CDK17: variants seen among roughly 807,000 people sequenced by gnomAD.
CDK17 encodes the protein cyclin-dependent kinase 17.
A neutral mutation model predicts 77.6 loss-of-function variants in CDK17; 24 were observed. That is an observed-to-expected ratio of 0.31 (90% CI 0.22 to 0.44). CDK17 has a LOEUF of 0.44. CDK17 is among the 20% of genes least tolerant of loss of function. The pLI, the probability that CDK17 is intolerant of heterozygous loss-of-function variation, is 1.00. For missense variants in CDK17, 429 were observed against 622.5 expected, an observed-to-expected ratio of 0.69 and a Z score of 3.31; for synonymous variants, 203 against 210.4, an observed-to-expected ratio of 0.96 and a Z score of 0.30.
rs192345864 is a variant in CDK17 at position 96,328,282 on chromosome 12, T to C, written c.119-4170A>G. Among the ~76,000 whole-genome samples, 3 of 152,236 alleles carry C rather than the reference T, an allele frequency of 2.0e-5. No individual in the cohort carries two copies. The East Asian group carries it at 5.8e-4, about 29-fold the overall frequency. On this transcript the variant is annotated intron_variant, in intron 2 of 16. Transcript: ENST00000261211. ...AAGACAAGGGCAGGGCTCTTACTGA[T>C]TGTACATTATGGTGAGTTATGTAAT...
At chr12:96,301,735 C>G (rs990063586) in intron 5 of CDK17, among the ~76,000 whole-genome samples, 7 of 152,078 alleles carry the variant, frequency 4.6e-5, no homozygotes, top group Admixed American at 4.6e-4. Flanking sequence ...TTTAGTCAAA[C>G]TCTAGAGGTC....
At chr12:96,313,175 T>G (rs1296924163) in intron 4 of CDK17, 146 bp downstream of exon 4, 2 of 490,916 alleles carry the variant, frequency 4.1e-6, no homozygotes, top group Non-Finnish European at 6.9e-6. Context: ...CTGCAATTTA[T>G]GAATGCAAAG....
intron 5 of CDK17, among the ~76,000 whole-genome samples, chr12:96,308,223 C>T (rs1489649709): frequency 8.4e-6 from 1 of 118,760 alleles, no homozygotes; most frequent in Non-Finnish European, 1.8e-5. Context: ...AGTGAGATGC[C>T]ATCTCTAAAA....
At chr12:96,376,183 A>G (rs1953779532) in intron 1 of CDK17, among the ~76,000 whole-genome samples, 1 of 152,212 alleles carries the variant, frequency 6.6e-6, no homozygotes, top group African/African-American at 2.4e-5. Flanking sequence ...TCATTTCAGG[A>G]ACTTCCCAAA....
In CDK17 at chr12:96,311,120, C is replaced by T. The variant is rs1430637302; in HGVS notation, c.475G>A (p.Glu159Lys). 1 of 1,599,336 alleles carries T rather than the reference C, an allele frequency of 6.3e-7. No individual in the cohort carries two copies. Among genetic ancestry groups the T allele is most frequent in the South Asian group, 1.1e-5 (1 of 88,144 alleles). The stretch of plus-strand genomic sequence containing the variant: ...GGTGGACTGTTTATCTGCAACTTTT[C>T]AAGATATCCATCAGGTATTCTGATG... ...ADIRIPDGYL[E>K]KLQINSPPFD... is the part of the protein sequence containing the mutation. The change falls in exon 5 of 17, where the codon GAA (glutamate) becomes AAA (lysine). Residue 159 changes from glutamate to lysine, a missense_variant. Physicochemically the swap from Glu to Lys is moderately conservative, Grantham distance 56. Around this residue, in one of 4 missense-constraint regions of CDK17, gnomAD observed 262 missense variants for 385.4 expected, o/e 0.68. Coordinates refer to ENST00000261211, the MANE Select transcript of CDK17 (RefSeq NM_002595.5).
intron 1 of CDK17, among the ~76,000 whole-genome samples, chr12:96,363,618 C>T (rs773499349): frequency 2.6e-5 from 4 of 152,108 alleles, no homozygotes; most frequent in Middle Eastern, 3.4e-3. Flanking sequence ...GAGGTCAAGG[C>T]GGGCAGATCA....
chr12:96,334,131 G>A (rs200441015), intron 2 of CDK17, among the ~76,000 whole-genome samples: 2 of 152,296 alleles, frequency 1.3e-5, no homozygotes, highest in East Asian at 1.9e-4. Flanking sequence ...AGCCAGTCAC[G>A]TAAGTTCCTT....
In CDK17 at chr12:96,388,388, T is replaced by C. The variant is rs150445674; in HGVS notation, c.-30+11598A>G. 1.2e-4 allele frequency among the ~76,000 whole-genome samples: 19 copies of C among 152,336 alleles called. No homozygotes were observed. The East Asian group carries it at 3.3e-3, about 26-fold the overall frequency. The stretch of plus-strand genomic sequence containing the variant: ...TATTTAGTCTACTGGTATGTCTATA[T>C]GTGCCACCTCCACCCCCAAACATAC... On this transcript the variant is annotated intron_variant, in intron 1 of 16. Coordinates refer to ENST00000261211, the MANE Select transcript of CDK17 (RefSeq NM_002595.5).
chr12:96,350,095 C>T (rs1451236952), intron 1 of CDK17, among the ~76,000 whole-genome samples: 1 of 152,028 alleles, frequency 6.6e-6, no homozygotes, highest in East Asian at 1.9e-4. Flanking sequence ...CTGAAAATTA[C>T]AAAATATTGT....
rs1445883218 is a variant in CDK17, at chr12:96,318,618, T to A, written c.284-5164A>T. On this transcript the variant is annotated intron_variant, in intron 3 of 16. Coordinates refer to ENST00000261211, the MANE Select transcript of CDK17 (RefSeq NM_002595.5). Reference sequence around the variant, plus strand: ...AACTATCTCTCAGACCACAGTGCAATCAAACTAGAACTCAGGATTAAGAAT... The same window carrying A: ...AACTATCTCTCAGACCACAGTGCAAACAAACTAGAACTCAGGATTAAGAAT... 6.2e-5 allele frequency among the ~76,000 whole-genome samples: 9 copies of A among 144,660 alleles called. No homozygotes were observed. The East Asian group carries it at 1.8e-3, about 29-fold the overall frequency. The allele number at this position is 144,660 out of a possible 152,430, so 94.9% of individuals were successfully genotyped here. A position where few individuals can be genotyped will look rare whatever the true frequency, so the allele number is the denominator to read the frequency against.
intron 10 of CDK17, among the ~76,000 whole-genome samples, chr12:96,291,103 G>C (rs1301301218): frequency 7.4e-6 from 1 of 134,822 alleles, no homozygotes; most frequent in African/African-American, 2.8e-5. Context: ...TTCACAAGAA[G>C]TCATATTTAC....
chr12:96,284,861 G>A (rs559982391), intron 13 of CDK17, among the ~76,000 whole-genome samples: 8 of 152,216 alleles, frequency 5.3e-5, no homozygotes, highest in South Asian at 2.1e-4. Flanking sequence ...CACCGTGCCC[G>A]GCCTGGGATT....
intron 11 of CDK17, among the ~76,000 whole-genome samples, chr12:96,288,139 T>TA (rs759542949): frequency 2.6e-5 from 4 of 152,190 alleles, no homozygotes; most frequent in Non-Finnish European, 4.4e-5. Context: ...TAAATGTACT[T>TA]AATGTCTCAC....
chr12:96,308,324 T>C (rs7138597), intron 5 of CDK17, among the ~76,000 whole-genome samples: 32,789 of 151,538 alleles, frequency 0.22, 4,434 homozygotes, highest in Middle Eastern at 0.32. Flanking sequence ...CATGTGAGGA[T>C]TGCTTGGGCC....
chr12:96,341,928 T>C (rs983149787), intron 1 of CDK17, among the ~76,000 whole-genome samples: 5 of 152,216 alleles, frequency 3.3e-5, no homozygotes, highest in African/African-American at 1.2e-4. Context: ...TTTTGAAATA[T>C]TCTTAAAACA....
At chr12:96,326,430 T>C (rs762522135) in intron 2 of CDK17, among the ~76,000 whole-genome samples, 8 of 152,220 alleles carry the variant, frequency 5.3e-5, no homozygotes, top group Non-Finnish European at 1.2e-4. Flanking sequence ...GAAAGTTCTC[T>C]CTGCTGAGAT....
intron 7 of CDK17, 38 bp from the exon 8 acceptor site, chr12:96,297,759 A>G: frequency 8.9e-7 from 1 of 1,120,952 alleles, no homozygotes; most frequent in East Asian, 2.4e-5. Context: ...AGTCTGTGGC[A>G]GTCTTTATAA....
At chr12:96,332,368 A>G (rs138621698) in intron 2 of CDK17, among the ~76,000 whole-genome samples, 1 of 152,324 alleles carries the variant, frequency 6.6e-6, no homozygotes, top group Admixed American at 6.5e-5. Context: ...ATTAAAGCTC[A>G]CTTTTGCTTC....
chr12:96,322,280 A>C (rs959162422), intron 3 of CDK17, among the ~76,000 whole-genome samples: 1 of 152,214 alleles, frequency 6.6e-6, no homozygotes, highest in African/African-American at 2.4e-5. Flanking sequence ...CCTCCAGCAC[A>C]ATACCCTTTA....
Sources: gnomAD v4.1 joint callset for allele counts (sites outside exome capture counted in the v4.1 genomes callset) on GRCh38, gnomAD v4.1.1 for gene constraint, gnomAD v4.1.1 regional missense constraint, MANE v1.5 for transcripts, NCBI Gene and HGNC (gene_info 2026-07-23, HGNC 2026-07-21) for gene names.